Variants in PRKCE observed in about 807,000 individuals in gnomAD.
PRKCE encodes the protein protein kinase C epsilon type.
PRKCE carries 16 observed loss-of-function variants against 85.4 expected under a neutral mutation model. That is an observed-to-expected ratio of 0.19 (90% CI 0.13 to 0.28). The LOEUF is 0.28. Among genes scored for constraint, PRKCE ranks in the 10% least tolerant of loss-of-function variants. The pLI, the probability that PRKCE is intolerant of heterozygous loss-of-function variation, is 1.00. For missense variants in PRKCE, 573 were observed against 975.2 expected (o/e 0.59, Z 5.49); for synonymous variants, 388 against 371.5 (o/e 1.04, Z -0.51).
intron 11 of PRKCE, among the ~76,000 whole-genome samples, chr2:46,107,737 G>C (rs962261812): frequency 1.3e-5 from 2 of 152,130 alleles, no homozygotes; most frequent in African/African-American, 4.8e-5. Context: ...GTTAGTTCTT[G>C]GATTGTAGTC....
intron 1 of PRKCE, among the ~76,000 whole-genome samples, chr2:45,805,840 C>A (rs1307062434): frequency 1.3e-5 from 2 of 152,150 alleles, no homozygotes; most frequent in African/African-American, 4.8e-5. Flanking sequence ...CTCAAGTGAT[C>A]CTCCCTCCTT....
chr2:46,013,234 A>G (rs944914537), intron 10 of PRKCE, among the ~76,000 whole-genome samples: 1 of 152,246 alleles, frequency 6.6e-6, no homozygotes, highest in African/African-American at 2.4e-5. Flanking sequence ...CCAACAGTTT[A>G]TCATAGTTTT....
chr2:45,814,338 C>T (rs1045610927), intron 1 of PRKCE, among the ~76,000 whole-genome samples: 2 of 152,204 alleles, frequency 1.3e-5, no homozygotes, highest in Admixed American at 1.3e-4. Context: ...CCCCGATACC[C>T]TTGCCTCGCA....
intron 10 of PRKCE, among the ~76,000 whole-genome samples, chr2:46,016,557 G>A (rs574680903): frequency 1.3e-5 from 2 of 152,104 alleles, no homozygotes; most frequent in South Asian, 2.1e-4. Flanking sequence ...CTGCAGCTTC[G>A]TGTAACCTCT....
At chr2:46,171,845 G>T (rs972150376) in intron 14 of PRKCE, among the ~76,000 whole-genome samples, 7 of 152,136 alleles carry the variant, frequency 4.6e-5, no homozygotes, top group Admixed American at 6.5e-5. Flanking sequence ...GTGGAGCTCC[G>T]GTCCAGTGGA....
chr2:45,975,850 G>A (rs1702414973), intron 2 of PRKCE, among the ~76,000 whole-genome samples: 1 of 152,122 alleles, frequency 6.6e-6, no homozygotes, highest in Non-Finnish European at 1.5e-5. Flanking sequence ...TTGACCTCTG[G>A]GAAAATGCTC....
Position 45,950,912 on chromosome 2 carries a change from C to T in PRKCE, c.413-25517C>T, listed in dbSNP as rs142450250. On this transcript the variant is annotated intron_variant, in intron 2 of 14. Coordinates refer to ENST00000306156, the MANE Select transcript of PRKCE (RefSeq NM_005400.3). ...CTAATTAAGTCCTGGAACTATCAGC[C>T]TCATTTCTTTGACTTATCTCTGCCC... 3.2e-4 allele frequency among the ~76,000 whole-genome samples: 48 copies of T among 152,236 alleles called. 1 individual carries two copies. The East Asian group carries it at 8.5e-3, about 27-fold the overall frequency.
intron 11 of PRKCE, among the ~76,000 whole-genome samples, chr2:46,116,903 T>C (rs1480629328): frequency 6.6e-6 from 1 of 152,166 alleles, no homozygotes; most frequent in South Asian, 2.1e-4. Context: ...GCATTTCACT[T>C]GGAGAATCTA....
intron 2 of PRKCE, among the ~76,000 whole-genome samples, chr2:45,871,193 G>A (rs549552485): frequency 1.3e-5 from 2 of 152,314 alleles, no homozygotes; most frequent in African/African-American, 4.8e-5. Flanking sequence ...TTCCTCAGTG[G>A]GTGGCCTGGT....
chr2:46,074,949 A>G (rs1482486473), intron 10 of PRKCE, among the ~76,000 whole-genome samples: 1 of 152,224 alleles, frequency 6.6e-6, no homozygotes, highest in Non-Finnish European at 1.5e-5. Flanking sequence ...CAAGAAGAGC[A>G]TTGGTAGAGG....
chr2:45,932,744 C>T (rs774332690), intron 2 of PRKCE, among the ~76,000 whole-genome samples: 4 of 152,124 alleles, frequency 2.6e-5, no homozygotes, highest in African/African-American at 9.7e-5. Flanking sequence ...AAACCTTTTT[C>T]GTCTTTCCAA....
intron 10 of PRKCE, among the ~76,000 whole-genome samples, chr2:46,017,172 C>T (rs1244121729): frequency 6.6e-6 from 1 of 152,128 alleles, no homozygotes; most frequent in Non-Finnish European, 1.5e-5. Flanking sequence ...CTCTTTTCAC[C>T]TTACAACCCT....
At chr2:45,906,532 G>C (rs776474031) in intron 2 of PRKCE, among the ~76,000 whole-genome samples, 2 of 152,206 alleles carry the variant, frequency 1.3e-5, no homozygotes, top group Non-Finnish European at 2.9e-5. Context: ...AGAGGGGGAC[G>C]GGTTTCCAGT....
At chr2:46,080,969 G>GCACACA (rs1327574193) in intron 10 of PRKCE, among the ~76,000 whole-genome samples, 2 of 80,350 alleles carry the variant, frequency 2.5e-5, no homozygotes, top group African/African-American at 1.6e-4. Context: ...TTGCAGTTAT[G>GCACACA]CATACACACA....
At chr2:46,164,956 G>C (rs996580174) in intron 14 of PRKCE, 2 of 152,268 alleles carry the variant, frequency 1.3e-5, no homozygotes, top group Non-Finnish European at 2.9e-5. Flanking sequence ...TTCATAGCTG[G>C]AATTTGGCCT....
At chr2:45,825,935 A>T (rs1441512551) in intron 1 of PRKCE, among the ~76,000 whole-genome samples, 2 of 151,348 alleles carry the variant, frequency 1.3e-5, no homozygotes, top group Non-Finnish European at 2.9e-5. Flanking sequence ...GGACGGGGGG[A>T]TGGGGGGATG....
chr2:45,744,549 TCTTC>T lies in PRKCE; in HGVS notation c.348+92125_348+92128del, dbSNP rs769313874. 3.3e-3 allele frequency among the ~76,000 whole-genome samples: 278 copies of T among 84,142 alleles called. 13 individuals carry two copies. Among genetic ancestry groups the T allele is most frequent in the East Asian group, 8.6e-3 (20 of 2,336 alleles). The allele number at this position is 84,142 out of a possible 152,430, so 55.2% of individuals were successfully genotyped here. ...CTTTTTCTTTCCTTCTTTCTTTCTT[TCTTC>T]CTTCCTTCCTTCCTTCCTTCCTTTC... is the stretch of plus-strand genomic sequence containing the variant. On this transcript the variant is annotated intron_variant, in intron 1 of 14. Transcript: ENST00000306156.
At chr2:46,040,216 G>T (rs1558383761) in intron 10 of PRKCE, among the ~76,000 whole-genome samples, 2 of 152,178 alleles carry the variant, frequency 1.3e-5, no homozygotes, top group Non-Finnish European at 2.9e-5. Flanking sequence ...ACTGAACTAG[G>T]CCTCAAAGGA....
At chr2:45,810,671 C>T (rs988702932) in intron 1 of PRKCE, among the ~76,000 whole-genome samples, 1 of 152,176 alleles carries the variant, frequency 6.6e-6, no homozygotes, top group Non-Finnish European at 1.5e-5. Flanking sequence ...GCAGCCTCCA[C>T]TTCCCAGGCT....
Sources: allele counts gnomAD v4.1 joint callset (sites outside exome capture counted in the v4.1 genomes callset), GRCh38; gene constraint gnomAD v4.1.1; transcripts MANE v1.5; gene names NCBI Gene and HGNC (gene_info 2026-07-23, HGNC 2026-07-21).